Variants in VPS13B observed in about 807,000 individuals in gnomAD.
VPS13B encodes vacuolar protein sorting 13 homolog B.
In VPS13B, 285 loss-of-function variants were observed where a neutral mutation model predicts 426.4. The observed-to-expected ratio is 0.67, with a 90% CI of 0.61 to 0.74. VPS13B has a LOEUF of 0.74. Among genes scored for constraint, VPS13B ranks in the 30% least tolerant of loss-of-function variants. The pLI, the probability that VPS13B is intolerant of heterozygous loss-of-function variation, is 0.00. For missense variants in VPS13B, 4,537 were observed against 4,782.6 expected, an observed-to-expected ratio of 0.95 and a Z score of 1.51; for synonymous variants, 1,676 against 1,676.4, an observed-to-expected ratio of 1.00 and a Z score of 0.01.
At chr8:99,020,710 T>C (rs1272943558) in intron 2 of VPS13B, among the ~76,000 whole-genome samples, 2 of 152,230 alleles carry the variant, frequency 1.3e-5, no homozygotes, top group Non-Finnish European at 2.9e-5. Context: ...TACTTTCACA[T>C]TGAATGGTCT....
At chr8:99,581,155 C>T (rs79520196) in intron 33 of VPS13B, among the ~76,000 whole-genome samples, 2,952 of 150,756 alleles carry the variant, frequency 0.02, 101 homozygotes, top group African/African-American at 0.068. Context: ...TGCACTCCAA[C>T]CAGGTAACAA....
chr8:99,632,906 A>C (rs918934953), intron 33 of VPS13B, among the ~76,000 whole-genome samples: 2 of 152,024 alleles, frequency 1.3e-5, no homozygotes, highest in African/African-American at 2.4e-5. Context: ...GTAGTAGAGA[A>C]TATTGAGACT....
intron 35 of VPS13B, among the ~76,000 whole-genome samples, chr8:99,676,272 G>A (rs1830929427): frequency 6.6e-6 from 1 of 151,996 alleles, no homozygotes; most frequent in Admixed American, 6.6e-5. Context: ...ACAGTGCTGG[G>A]GCATACTCAA....
intron 19 of VPS13B, among the ~76,000 whole-genome samples, chr8:99,297,217 C>G (rs1300021067): frequency 6.6e-6 from 1 of 151,954 alleles, no homozygotes; most frequent in Non-Finnish European, 1.5e-5. Flanking sequence ...ATATTGAAAC[C>G]AAGTGAAAGA....
chr8:99,710,810 T>G (rs1249042847), intron 36 of VPS13B, among the ~76,000 whole-genome samples: 1 of 139,084 alleles, frequency 7.2e-6, no homozygotes, highest in African/African-American at 2.7e-5. Context: ...ACCAATGTGG[T>G]GAAATCCTGT....
chr8:99,775,169 T>A (rs1466001424), intron 40 of VPS13B, among the ~76,000 whole-genome samples: 1 of 151,936 alleles, frequency 6.6e-6, no homozygotes. Flanking sequence ...TCCTGGGGGG[T>A]CGTTCTGTTT....
At chr8:99,784,549 G>A in intron 43 of VPS13B, 73 bp downstream of exon 43, 1 of 1,584,352 alleles carries the variant, frequency 6.3e-7, no homozygotes, top group African/African-American at 1.3e-5. Context: ...TTGTGTGCCT[G>A]TCCAGTTATT....
intron 20 of VPS13B, among the ~76,000 whole-genome samples, chr8:99,386,345 C>T (rs981517742): frequency 6.6e-6 from 1 of 152,056 alleles, no homozygotes; most frequent in Non-Finnish European, 1.5e-5. Context: ...GGGATACATT[C>T]TGAGAAATGC....
chr8:99,488,160 G>A (rs1820406617), intron 25 of VPS13B, among the ~76,000 whole-genome samples: 1 of 152,126 alleles, frequency 6.6e-6, no homozygotes, highest in Admixed American at 6.5e-5. Context: ...TGATTTAGAA[G>A]AGCACATTTC....
chr8:99,168,112 G>C lies in VPS13B; in HGVS notation c.2209-1927G>C, dbSNP rs537521090. ...GTTCTTTTTGATTTGGTGGATAATA[G>C]AGGAAGCAAAAATATGACTCATAAT... On this transcript the variant is annotated intron_variant, in intron 15 of 61. Transcript: ENST00000357162. 9.7e-4 allele frequency among the ~76,000 whole-genome samples: 148 copies of C among 152,200 alleles called. 1 individual carries two copies. The highest frequency in any genetic ancestry group is 2.0e-3 in the Non-Finnish European group (136 of 67,964).
chr8:99,660,915 C>T (rs1830195414), intron 34 of VPS13B, among the ~76,000 whole-genome samples: 1 of 152,006 alleles, frequency 6.6e-6, no homozygotes, highest in Non-Finnish European at 1.5e-5. Context: ...ACTCTTAAAA[C>T]AGATCAAATA....
At chr8:99,484,482 T>C (rs1051641593) in intron 25 of VPS13B, among the ~76,000 whole-genome samples, 59 of 152,130 alleles carry the variant, frequency 3.9e-4, no homozygotes, top group African/African-American at 1.4e-3. Flanking sequence ...GAAATCCACT[T>C]AGGAAGATTA....
At chr8:99,561,252 A>G (rs184381151) in intron 31 of VPS13B, among the ~76,000 whole-genome samples, 2 of 152,322 alleles carry the variant, frequency 1.3e-5, no homozygotes, top group East Asian at 3.9e-4. Context: ...ATCTGGATTT[A>G]TCATGTCTGT....
chr8:99,430,441 G>A (rs900983117), intron 21 of VPS13B, among the ~76,000 whole-genome samples: 1 of 151,872 alleles, frequency 6.6e-6, no homozygotes, highest in African/African-American at 2.4e-5. Context: ...TTATGTATTT[G>A]AATTAACATA....
intron 19 of VPS13B, among the ~76,000 whole-genome samples, chr8:99,374,772 A>G (rs1359901235): frequency 6.6e-6 from 1 of 152,180 alleles, no homozygotes; most frequent in East Asian, 1.9e-4. Flanking sequence ...TAAGTTCACT[A>G]CAGGACCCTG....
intron 15 of VPS13B, among the ~76,000 whole-genome samples, chr8:99,165,440 G>A (rs987535550): frequency 5.9e-5 from 9 of 152,126 alleles, no homozygotes; most frequent in Non-Finnish European, 1.2e-4. Context: ...GAGTTTCAAG[G>A]CATCTGATAT....
At chr8:99,246,860 A>C (rs1425258218) in intron 17 of VPS13B, among the ~76,000 whole-genome samples, 3 of 152,064 alleles carry the variant, frequency 2.0e-5, no homozygotes, top group Non-Finnish European at 4.4e-5. Context: ...AAAAAAAAAA[A>C]AACAAAAAAA....
intron 2 of VPS13B, among the ~76,000 whole-genome samples, chr8:99,029,120 C>CTGCAATCTCGGCTCTTTGGGA (rs1842353476): frequency 6.7e-6 from 1 of 149,242 alleles, no homozygotes. Flanking sequence ...CGGGCAGAGG[C>CTGCAATCTCGGCTCTTTGGGA]GCTCCTCACA....
intron 25 of VPS13B, among the ~76,000 whole-genome samples, chr8:99,490,362 C>G (rs1204613069): frequency 6.6e-6 from 1 of 152,100 alleles, no homozygotes; most frequent in Non-Finnish European, 1.5e-5. Flanking sequence ...CTAAAATTCT[C>G]TTTCTTTGTT....
Sources: allele counts gnomAD v4.1 joint callset (sites outside exome capture counted in the v4.1 genomes callset), GRCh38; gene constraint gnomAD v4.1.1; transcripts MANE v1.5; gene names NCBI Gene and HGNC (gene_info 2026-07-23, HGNC 2026-07-21).